The following GXYLT2 variants were observed in gnomAD, a reference collection of about 807,000 sequenced individuals.
GXYLT2 encodes glucoside xylosyltransferase 2.
GXYLT2 carries 53 observed loss-of-function variants against 45.8 expected under a neutral mutation model. The ratio of observed to expected loss-of-function variants is 1.16; its 90% CI spans 0.93 to 1.46. The LOEUF (loss-of-function observed/expected upper bound fraction) is 1.46, where lower values mean the gene tolerates loss of function less well. Among genes scored for constraint, GXYLT2 ranks in the 40% most tolerant of loss-of-function variants. The pLI, the probability that GXYLT2 is intolerant of heterozygous loss-of-function variation, is 0.00. For missense variants in GXYLT2, 551 were observed against 544.4 expected (o/e 1.01, Z -0.12); for synonymous variants, 219 against 214.2 (o/e 1.02, Z -0.19).
chr3:72,964,392 G>A (rs1009321781), intron 5 of GXYLT2, among the ~76,000 whole-genome samples: 1 of 151,372 alleles, frequency 6.6e-6, no homozygotes, highest in South Asian at 2.1e-4. Context: ...GTGCGATCTC[G>A]GCTCACCACA....
intron 3 of GXYLT2, among the ~76,000 whole-genome samples, chr3:72,950,454 TC>T (rs1255160195): frequency 1.3e-5 from 2 of 151,664 alleles, no homozygotes; most frequent in African/African-American, 4.8e-5. Context: ...GTGCGAGACT[TC>T]ATCTCAAAAA....
intron 3 of GXYLT2, among the ~76,000 whole-genome samples, chr3:72,939,830 C>T (rs1344253268): frequency 6.6e-6 from 1 of 151,938 alleles, no homozygotes; most frequent in Non-Finnish European, 1.5e-5. Flanking sequence ...TACAGGCATG[C>T]ACCACCACAC....
intron 5 of GXYLT2, among the ~76,000 whole-genome samples, chr3:72,963,942 T>C (rs573812345): frequency 1.6e-4 from 25 of 152,202 alleles, no homozygotes; most frequent in East Asian, 5.8e-4. Flanking sequence ...CCCAAAGTGC[T>C]GGGATTACAG....
chr3:72,967,521 A>G, intron 5 of GXYLT2, 26 bp from the exon 6 acceptor site: 1 of 1,596,788 alleles, frequency 6.3e-7, no homozygotes, highest in Non-Finnish European at 8.6e-7. Flanking sequence ...CCGTGGACAT[A>G]TATGTCTTTC....
chr3:72,969,922 C>CA (rs1319712246), intron 6 of GXYLT2, among the ~76,000 whole-genome samples: 1 of 138,034 alleles, frequency 7.2e-6, no homozygotes, highest in Admixed American at 8.1e-5. Context: ...AAAAAAAAAA[C>CA]AAAAACATTT....
At chr3:72,933,454 A>G (rs779476259) in intron 3 of GXYLT2, among the ~76,000 whole-genome samples, 6 of 152,248 alleles carry the variant, frequency 3.9e-5, no homozygotes, top group Non-Finnish European at 7.3e-5. Context: ...TGTAAGAATC[A>G]CAATAATATA....
chr3:72,929,130 A>T, intron 3 of GXYLT2: 1 of 1,589,572 alleles, frequency 6.3e-7, no homozygotes, highest in Non-Finnish European at 8.5e-7. Context: ...CTGGAGCTCT[A>T]CGCCTCCTAC....
intron 6 of GXYLT2, among the ~76,000 whole-genome samples, chr3:72,968,527 C>T (rs1710917054): frequency 6.6e-6 from 1 of 152,216 alleles, no homozygotes; most frequent in Admixed American, 6.5e-5. Flanking sequence ...CAGAAAGAGG[C>T]CCTGACTCCC....
intron 1 of GXYLT2, among the ~76,000 whole-genome samples, chr3:72,896,960 G>T (rs1354805987): frequency 6.6e-6 from 1 of 152,074 alleles, no homozygotes; most frequent in African/African-American, 2.4e-5. Context: ...GCCTGGTTTT[G>T]GCATGGATAT....
In GXYLT2 at chr3:72,934,053, A is replaced by C. The variant is rs1710130322; in HGVS notation, c.600+11718A>C. The stretch of plus-strand genomic sequence containing the variant: ...TTCATTCTTTCCTAAAACTATACAA[A>C]AATTGATAGTTAATTTTAATTTTAT... On this transcript the variant is annotated intron_variant, in intron 3 of 6. Transcript: ENST00000389617. 2.0e-5 allele frequency among the ~76,000 whole-genome samples: 3 copies of C among 151,682 alleles called. No individual in the cohort carries two copies. In the Admixed American group the frequency reaches 2.0e-4, roughly 10 times the overall value.
chr3:72,947,995 G>A (rs552086337), intron 3 of GXYLT2, among the ~76,000 whole-genome samples: 4 of 152,222 alleles, frequency 2.6e-5, no homozygotes, highest in East Asian at 3.9e-4. Context: ...CCAGTTCCAC[G>A]AAGCAAAAAC....
intron 1 of GXYLT2, among the ~76,000 whole-genome samples, chr3:72,905,649 T>C (rs59103542): frequency 0.066 from 10,097 of 152,198 alleles, 1,100 homozygotes; most frequent in African/African-American, 0.23. Flanking sequence ...ATGCAGGAGT[T>C]GGACTGCGGG....
chr3:72,894,704 A>G (rs1056310106), intron 1 of GXYLT2, among the ~76,000 whole-genome samples: 2 of 152,186 alleles, frequency 1.3e-5, no homozygotes, highest in Non-Finnish European at 2.9e-5. Context: ...CGGGCTATAC[A>G]GGGGATTAAG....
At chr3:72,962,964 A>AAAC (rs1553710942) in intron 5 of GXYLT2, among the ~76,000 whole-genome samples, 47 of 150,196 alleles carry the variant, frequency 3.1e-4, no homozygotes, top group Admixed American at 4.6e-4. Flanking sequence ...TAAAAAAAAA[A>AAAC]AACAAAAAAA....
rs755212206 is a variant in GXYLT2, at chr3:72,954,456, T to C, written c.601-642T>C. On this transcript the variant is annotated intron_variant, in intron 3 of 6. Coordinates refer to ENST00000389617, the MANE Select transcript of GXYLT2 (RefSeq NM_001080393.2). ...GTGTATTTGTATTTATATATATTTATATATATTTTAAAAGATGCAGGGCCC... is the reference window on the plus strand; with the variant it reads ...GTGTATTTGTATTTATATATATTTACATATATTTTAAAAGATGCAGGGCCC... Among the ~76,000 whole-genome samples, 46 of 150,302 alleles carry C rather than the reference T, an allele frequency of 3.1e-4. No homozygotes were observed. The Middle Eastern group carries it at 0.01, about 33-fold the overall frequency.
At chr3:72,950,232 G>A (rs969943077) in intron 3 of GXYLT2, among the ~76,000 whole-genome samples, 11 of 152,002 alleles carry the variant, frequency 7.2e-5, no homozygotes, top group Non-Finnish European at 1.5e-4. Context: ...AGGCTGAGGC[G>A]GGCGAATCAC....
At chr3:72,909,777 G>A (rs1709584395) in intron 2 of GXYLT2, among the ~76,000 whole-genome samples, 1 of 152,166 alleles carries the variant, frequency 6.6e-6, no homozygotes, top group South Asian at 2.1e-4. Context: ...GTTTTCTCTT[G>A]CTGTAAGTTC....
At chr3:72,891,653 T>C (rs928726060) in intron 1 of GXYLT2, among the ~76,000 whole-genome samples, 1 of 152,220 alleles carries the variant, frequency 6.6e-6, no homozygotes. Flanking sequence ...GATTTACAGC[T>C]GGCTGACTTC....
At chr3:72,949,502 C>CTTTTTTTTTTTTTTTTTTTTTT (rs56323434) in intron 3 of GXYLT2, among the ~76,000 whole-genome samples, 3 of 72,638 alleles carry the variant, frequency 4.1e-5, no homozygotes, top group African/African-American at 6.2e-5. Context: ...CTTTCTTTTT[C>CTTTTTTTTTTTTTTTTTTTTTT]TTTTTTTTTT....
Sources: gnomAD v4.1 joint callset for allele counts (sites outside exome capture counted in the v4.1 genomes callset) on GRCh38, gnomAD v4.1.1 for gene constraint, MANE v1.5 for transcripts, NCBI Gene and HGNC (gene_info 2026-07-23, HGNC 2026-07-21) for gene names.